Variants in CDKL5 observed in about 807,000 individuals in gnomAD.
CDKL5 encodes cyclin dependent kinase like 5.
A neutral mutation model predicts 61.7 loss-of-function variants in CDKL5; 8 were observed. The observed-to-expected ratio is 0.13, with a 90% CI of 0.08 to 0.23. The LOEUF (loss-of-function observed/expected upper bound fraction) is 0.23, where lower values mean the gene tolerates loss of function less well. CDKL5 is among the 10% of genes least tolerant of loss of function. The pLI, the probability that CDKL5 is intolerant of heterozygous loss-of-function variation, is 1.00. For synonymous variants in CDKL5, 275 were observed against 272.3 expected, an observed-to-expected ratio of 1.01 and a Z score of -0.10; for missense variants, 440 against 734.5, an observed-to-expected ratio of 0.60 and a Z score of 4.63.
In CDKL5 at chrX:18,630,971, C is replaced by T. The variant is rs900651559; in HGVS notation, c.*2214C>T. ...CTAGATCTCTACCTTGTATTCCCCCCTTGCAAACCAGAAACTACACTTTTT... is the reference window on the plus strand; with the variant it reads ...CTAGATCTCTACCTTGTATTCCCCCTTTGCAAACCAGAAACTACACTTTTT... On this transcript the variant is annotated 3_prime_UTR_variant, in exon 18 of 18. Coordinates refer to ENST00000623535, the MANE Select transcript of CDKL5 (RefSeq NM_001323289.2). 1 of 743,409 alleles carries T rather than the reference C, an allele frequency of 1.3e-6. No homozygotes were observed. The highest frequency in any genetic ancestry group is 1.0e-4 in the Admixed American group (1 of 9,868). 61.3% of individuals were successfully genotyped at this position (743,409 alleles called of 1,213,427 possible). A position where few individuals can be genotyped will look rare whatever the true frequency, so the allele number is the denominator to read the frequency against.
At chrX:18,500,511 A>C (rs188296717) in intron 1 of CDKL5, among the ~76,000 whole-genome samples, 2 of 111,690 alleles carry the variant, frequency 1.8e-5, no homozygotes, top group East Asian at 2.8e-4. Context: ...TCTGGATTCT[A>C]TTCTTTTGCT....
In CDKL5 at chrX:18,634,131, C is replaced by A; in HGVS notation, c.*5374C>A. ...CGATCCTCCTTTGGAATCTGAAAAT[C>A]GGTCTCCATGTTGTATGCAGATTAG... On this transcript the variant is annotated 3_prime_UTR_variant, in exon 18 of 18. Coordinates refer to ENST00000623535, the MANE Select transcript of CDKL5 (RefSeq NM_001323289.2). 4.0e-6 allele frequency: 3 copies of A among 753,487 alleles called. No homozygotes were observed. The highest frequency in any genetic ancestry group is 4.7e-6 in the Non-Finnish European group (3 of 638,791). The allele number at this position is 753,487 out of a possible 1,213,427, so 62.1% of individuals were successfully genotyped here. A position where few individuals can be genotyped will look rare whatever the true frequency, so the allele number is the denominator to read the frequency against.
At chrX:18,425,865 C>T (rs1397547545) in intron 1 of CDKL5, among the ~76,000 whole-genome samples, 170 bp downstream of exon 1, 1 of 113,005 alleles carries the variant, frequency 8.8e-6, no homozygotes, top group African/African-American at 3.2e-5. Context: ...GAGGACGTCC[C>T]AGCCCGGAGT....
At chrX:18,527,114 T>A (rs1244949081) in intron 3 of CDKL5, among the ~76,000 whole-genome samples, 1 of 112,242 alleles carries the variant, frequency 8.9e-6, no homozygotes, top group Non-Finnish European at 1.9e-5. Flanking sequence ...GGTGTATAGT[T>A]GTTTTCATAT....
chrX:18,428,892 T>C (rs1277250848), intron 1 of CDKL5, among the ~76,000 whole-genome samples: 1 of 111,662 alleles, frequency 9.0e-6, no homozygotes, highest in Non-Finnish European at 1.9e-5. Flanking sequence ...ACTTTCTGTT[T>C]GGAGGTTTTT....
chrX:18,554,624 C>T (rs1289279239), intron 3 of CDKL5, among the ~76,000 whole-genome samples: 1 of 110,031 alleles, frequency 9.1e-6, no homozygotes, highest in Non-Finnish European at 1.9e-5. Context: ...CCATGTTGGC[C>T]AGGCTGGTCT....
At position 18,619,828 on chromosome X, in the gene CDKL5, A is replaced by G. The variant is rs772598291; in HGVS notation, c.2277-39A>G. On this transcript the variant is annotated intron_variant, in intron 15 of 17. Coordinates refer to ENST00000623535, the MANE Select transcript of CDKL5 (RefSeq NM_001323289.2). ...TTTGTCACACAATGGCAAGAAAATG[A>G]TTGAAAAATCAATATGATAAAAATG... 17 of 914,953 alleles carry G rather than the reference A, an allele frequency of 1.9e-5. No homozygotes were observed. In the Admixed American group the frequency reaches 4.0e-4, roughly 21 times the overall value. The allele number at this position is 914,953 out of a possible 1,213,427, so 75.4% of individuals were successfully genotyped here.
chrX:18,581,311 C>G (rs1453267537), intron 6 of CDKL5, among the ~76,000 whole-genome samples: 1 of 111,665 alleles, frequency 9.0e-6, no homozygotes, highest in African/African-American at 3.2e-5. Flanking sequence ...TTCATAACAT[C>G]CATGGAAAAA....
chrX:18,540,154 T>TTGG (rs1386042775), intron 3 of CDKL5, among the ~76,000 whole-genome samples: 5 of 107,674 alleles, frequency 4.6e-5, no homozygotes, highest in African/African-American at 1.0e-4. Context: ...TTTTACTTTC[T>TTGG]TGGTTGTTGT....
chrX:18,590,148 C>T (rs1925781688), intron 9 of CDKL5, among the ~76,000 whole-genome samples: 1 of 111,613 alleles, frequency 9.0e-6, no homozygotes, highest in Non-Finnish European at 1.9e-5. Flanking sequence ...TTAATTAGAT[C>T]CCATTTGTCA....
intron 1 of CDKL5, among the ~76,000 whole-genome samples, chrX:18,439,581 A>G (rs771326401): frequency 3.6e-5 from 4 of 111,204 alleles, no homozygotes; most frequent in Non-Finnish European, 7.5e-5. Flanking sequence ...GGCTCACGCT[A>G]TATCCCAGCA....
rs1280646001 is a variant in CDKL5, at chrX:18,559,768, T to C, written c.100-4709T>C. The stretch of plus-strand genomic sequence containing the variant: ...ATTTAGCATTAGGTATATCTCCTAA[T>C]GCTATCCCTTCCCCCTCCCCCCACC... On this transcript the variant is annotated intron_variant, in intron 3 of 17. Coordinates refer to ENST00000623535, the MANE Select transcript of CDKL5 (RefSeq NM_001323289.2). Among the ~76,000 whole-genome samples the C allele has an allele frequency of 4.0e-5, 4 of 100,314 alleles. No individual in the cohort carries two copies. In the South Asian group the frequency reaches 1.6e-3, roughly 39 times the overall value. 87.1% of individuals were successfully genotyped at this position (100,314 alleles called of 115,157 possible). A position where few individuals can be genotyped will look rare whatever the true frequency, so the allele number is the denominator to read the frequency against.
intron 1 of CDKL5, among the ~76,000 whole-genome samples, chrX:18,474,842 CTGT>C (rs1921243437): frequency 8.9e-6 from 1 of 112,048 alleles, no homozygotes; most frequent in African/African-American, 3.2e-5. Context: ...TTTGGAGAAT[CTGT>C]TGTTCAAACT....
intron 4 of CDKL5, among the ~76,000 whole-genome samples, chrX:18,568,999 C>T (rs752687960): frequency 6.2e-4 from 69 of 111,691 alleles, no homozygotes; most frequent in African/African-American, 2.1e-3. Flanking sequence ...CTTGCCTTTT[C>T]GAGGTTTTTA....
intron 11 of CDKL5, among the ~76,000 whole-genome samples, chrX:18,603,229 A>G (rs1163098600): frequency 8.9e-6 from 1 of 112,243 alleles, no homozygotes; most frequent in Non-Finnish European, 1.9e-5. Context: ...GTACAAAGAG[A>G]TATCTGAAGA....
intron 1 of CDKL5, among the ~76,000 whole-genome samples, chrX:18,478,012 A>G (rs771331229): frequency 4.5e-5 from 5 of 111,355 alleles, no homozygotes; most frequent in Non-Finnish European, 7.5e-5. Context: ...CCCTTTAACA[A>G]AAATTCGTGT....
chrX:18,427,300 A>C (rs761355278), intron 1 of CDKL5, among the ~76,000 whole-genome samples: 111 of 81,649 alleles, frequency 1.4e-3, no homozygotes, highest in African/African-American at 5.1e-3. Flanking sequence ...ACATTTGGGA[A>C]GGAAATCTTT....
rs775947200 is a variant in CDKL5 at position 18,621,128 on chromosome X, T to C, written c.2376+1162T>C. On this transcript the variant is annotated intron_variant, in intron 16 of 17. Coordinates refer to ENST00000623535, the MANE Select transcript of CDKL5 (RefSeq NM_001323289.2). ...GGAAAAAGACACAATCAAAATGGCC[T>C]GTTCAGATGGACTTCACTGATTTCA... 8.0e-5 allele frequency among the ~76,000 whole-genome samples: 9 copies of C among 112,305 alleles called. No individual in the cohort carries two copies. The East Asian group carries it at 2.0e-3, about 24-fold the overall frequency.
Position 18,607,007 on chromosome X carries a change from A to G in CDKL5, c.1945-1804A>G, listed in dbSNP as rs547618126. On this transcript the variant is annotated intron_variant, in intron 12 of 17. Transcript: ENST00000623535. ...AAGAGAGTAGTTTTGAAGTCACCTAATTCAACCCCTTCATTTCACAGATGA... is the reference window on the plus strand; with the variant it reads ...AAGAGAGTAGTTTTGAAGTCACCTAGTTCAACCCCTTCATTTCACAGATGA... Among the ~76,000 whole-genome samples the G allele has an allele frequency of 5.4e-5, 6 of 111,781 alleles. No homozygotes were observed. The East Asian group carries it at 1.7e-3, about 31-fold the overall frequency.
Sources: gnomAD v4.1 joint callset for allele counts (sites outside exome capture counted in the v4.1 genomes callset) on GRCh38, gnomAD v4.1.1 for gene constraint, MANE v1.5 for transcripts, NCBI Gene and HGNC (gene_info 2026-07-23, HGNC 2026-07-21) for gene names.